Variants in RPTOR observed in about 807,000 individuals in gnomAD.
The protein encoded by RPTOR is regulatory-associated protein of mTOR.
A neutral mutation model predicts 169.9 loss-of-function variants in RPTOR; 21 were observed. The observed-to-expected ratio is 0.12, with a 90% CI of 0.09 to 0.18. The LOEUF (loss-of-function observed/expected upper bound fraction) is 0.18, where lower values mean the gene tolerates loss of function less well. Ranked by LOEUF, RPTOR falls within the 10% of genes least tolerant of loss-of-function variation. The pLI is 1.00. For missense variants in RPTOR, 1,133 were observed against 1,855.9 expected, an observed-to-expected ratio of 0.61 and a Z score of 7.16; for synonymous variants, 732 against 753.2, an observed-to-expected ratio of 0.97 and a Z score of 0.46.
chr17:80,710,792 G>A (rs1194231775), intron 4 of RPTOR, among the ~76,000 whole-genome samples: 1 of 152,170 alleles, frequency 6.6e-6, no homozygotes, highest in South Asian at 2.1e-4. Context: ...ATCTGTGTTC[G>A]TGAGTGAGAT....
chr17:80,877,759 G>A (rs1188286124), intron 13 of RPTOR, among the ~76,000 whole-genome samples: 1 of 152,198 alleles, frequency 6.6e-6, no homozygotes, highest in Non-Finnish European at 1.5e-5. Context: ...GCTAAAGCCA[G>A]TTGTTGCTTG....
intron 3 of RPTOR, among the ~76,000 whole-genome samples, chr17:80,657,175 T>A (rs936833901): frequency 6.6e-6 from 1 of 152,200 alleles, no homozygotes; most frequent in African/African-American, 2.4e-5. Context: ...TGACTAGGGA[T>A]CAGAATGTGA....
intron 1 of RPTOR, among the ~76,000 whole-genome samples, chr17:80,619,657 G>T (rs866133548): frequency 1.3e-5 from 2 of 152,190 alleles, no homozygotes; most frequent in African/African-American, 4.8e-5. Context: ...GGCCTGAGCT[G>T]GGGTGAGACT....
intron 6 of RPTOR, among the ~76,000 whole-genome samples, chr17:80,760,584 G>A (rs1028036742): frequency 2.0e-5 from 3 of 152,074 alleles, no homozygotes; most frequent in South Asian, 4.1e-4. Flanking sequence ...TTACAGGCAC[G>A]AGCCACCGCA....
intron 1 of RPTOR, among the ~76,000 whole-genome samples, chr17:80,554,737 C>T (rs975598562): frequency 6.7e-5 from 8 of 120,278 alleles, no homozygotes; most frequent in Non-Finnish European, 8.6e-5. Context: ...GAGTGAGACT[C>T]TGTCTCAAAA....
At chr17:80,958,412 T>C (rs1163645974) in intron 29 of RPTOR, among the ~76,000 whole-genome samples, 4 of 135,520 alleles carry the variant, frequency 3.0e-5, no homozygotes, top group Non-Finnish European at 4.7e-5. Flanking sequence ...TTTCTTTTTT[T>C]TTTTTTTTTT....
chr17:80,913,053 T>C (rs1165961383), intron 21 of RPTOR, among the ~76,000 whole-genome samples: 1 of 152,212 alleles, frequency 6.6e-6, no homozygotes, highest in Non-Finnish European at 1.5e-5. Context: ...AGTGTATATG[T>C]GTGTGGGTTT....
intron 20 of RPTOR, among the ~76,000 whole-genome samples, chr17:80,897,581 G>A (rs1453167785): frequency 5.3e-5 from 8 of 152,224 alleles, no homozygotes; most frequent in Admixed American, 5.2e-4. Context: ...CATTTCTGGG[G>A]GCACCCAGCG....
chr17:80,888,585 G>A (rs2068277409), intron 17 of RPTOR, among the ~76,000 whole-genome samples: 1 of 152,220 alleles, frequency 6.6e-6, no homozygotes, highest in Non-Finnish European at 1.5e-5. Context: ...TGTCAACACT[G>A]GGAAGTGTGT....
chr17:80,576,822 G>A (rs1438662357), intron 1 of RPTOR, among the ~76,000 whole-genome samples: 3 of 152,154 alleles, frequency 2.0e-5, no homozygotes, highest in African/African-American at 7.2e-5. Context: ...TCCCAACTCA[G>A]ACTGTTGTGT....
At chr17:80,678,796 C>A (rs556288018) in intron 3 of RPTOR, among the ~76,000 whole-genome samples, 1 of 152,114 alleles carries the variant, frequency 6.6e-6, no homozygotes, top group Non-Finnish European at 1.5e-5. Context: ...GAGTCACTTG[C>A]GATCTTTCCG....
intron 21 of RPTOR, among the ~76,000 whole-genome samples, chr17:80,914,288 G>C (rs906243580): frequency 6.6e-6 from 1 of 152,234 alleles, no homozygotes; most frequent in Admixed American, 6.5e-5. Context: ...CCCAGGTGCA[G>C]CTACAGCCAC....
chr17:80,841,861 GCTGA>G (rs1336951831), intron 10 of RPTOR, among the ~76,000 whole-genome samples: 5 of 111,896 alleles, frequency 4.5e-5, no homozygotes, highest in African/African-American at 7.7e-5. Context: ...CCGCACGGCA[GCTGA>G]CTCACCGCAC....
intron 6 of RPTOR, among the ~76,000 whole-genome samples, chr17:80,767,537 T>G (rs767561015): frequency 5.3e-5 from 8 of 152,244 alleles, no homozygotes; most frequent in Non-Finnish European, 8.8e-5. Context: ...GGATAGGATA[T>G]ATCTGTTAAG....
rs908317135 is a variant in RPTOR at position 80,695,881 on chromosome 17, C to T, written c.349-11960C>T. Among the ~76,000 whole-genome samples, 1 of 152,228 alleles carries T rather than the reference C, an allele frequency of 6.6e-6. No homozygotes were observed. The highest frequency in any genetic ancestry group is 2.4e-5 in the African/African-American group (1 of 41,460). On this transcript the variant is annotated intron_variant, in intron 3 of 33. Coordinates refer to ENST00000306801, the MANE Select transcript of RPTOR (RefSeq NM_020761.3). The surrounding 1 kb of genome is among the most constrained non-coding windows in gnomAD (Gnocchi z 4.9). ...AGACCACTTTTGCCCTGCATGGCCT[C>T]GTGGCTGCCTTTTCTACCTGCGTGA...
chr17:80,753,959 GT>G lies in RPTOR; in HGVS notation c.655-50del, dbSNP rs771724252. Reference sequence around the variant, plus strand: ...TACAGCTGCAGCTTACTATTTGGTTGTGACCAGCAGCTAAATCACACTCTCT... The same window carrying G: ...TACAGCTGCAGCTTACTATTTGGTTGGACCAGCAGCTAAATCACACTCTCT... On this transcript the variant is annotated intron_variant, in intron 5 of 33. Transcript: ENST00000306801. 4.0e-6 allele frequency: 6 copies of G among 1,515,308 alleles called. No individual in the cohort carries two copies. In the East Asian group the frequency reaches 1.4e-4, roughly 34 times the overall value. 93.9% of individuals were successfully genotyped at this position (1,515,308 alleles called of 1,614,324 possible).
At chr17:80,889,278 G>A (rs566649494) in intron 17 of RPTOR, among the ~76,000 whole-genome samples, 1 of 152,360 alleles carries the variant, frequency 6.6e-6, no homozygotes, top group Non-Finnish European at 1.5e-5. Flanking sequence ...TGAAGGAGCA[G>A]GTTCCAGGAT....
At position 80,965,901 on chromosome 17, in the gene RPTOR, G is replaced by A; in HGVS notation, c.*1571G>A. 4.3e-6 allele frequency: 1 copy of A among 233,366 alleles called. No homozygotes were observed. The highest frequency in any genetic ancestry group is 5.6e-5 in the Admixed American group (1 of 17,806). 14.5% of individuals were successfully genotyped at this position (233,366 alleles called of 1,614,324 possible). On this transcript the variant is annotated 3_prime_UTR_variant, in exon 34 of 34. Transcript: ENST00000306801. ...CCATCCCCACGTCTGGGCCGAGAAA[G>A]CAGCCCGGGTCCGGAAGGTGTAGAG...
At chr17:80,859,973 G>A (rs368632265) in intron 13 of RPTOR, among the ~76,000 whole-genome samples, 11 of 152,262 alleles carry the variant, frequency 7.2e-5, no homozygotes, top group African/African-American at 2.4e-4. Context: ...CAGGGAAATG[G>A]AAGGTCTAGC....
Sources: gnomAD v4.1 joint callset for allele counts (sites outside exome capture counted in the v4.1 genomes callset) on GRCh38, gnomAD v4.1.1 for gene constraint, Gnocchi (gnomAD v3.1) non-coding constraint, MANE v1.5 for transcripts, NCBI Gene and HGNC (gene_info 2026-07-23, HGNC 2026-07-21) for gene names.